Variants in RBCK1 observed in about 807,000 individuals in gnomAD.
RBCK1 encodes the protein ranBP-type and C3HC4-type zinc finger-containing protein 1.
A neutral mutation model predicts 71.1 loss-of-function variants in RBCK1; 44 were observed. The ratio of observed to expected loss-of-function variants is 0.62; its 90% confidence interval spans 0.49 to 0.80. The LOEUF (loss-of-function observed/expected upper bound fraction) is 0.80, where lower values mean the gene tolerates loss of function less well. Among genes scored for constraint, RBCK1 ranks in the 30% least tolerant of loss-of-function variants. The pLI is 0.00. For synonymous variants in RBCK1, 306 were observed against 279.7 expected, an observed-to-expected ratio of 1.09 and a Z score of -0.94; for missense variants, 569 against 685.0, an observed-to-expected ratio of 0.83 and a Z score of 1.89.
chr20:410,438 C>T (rs761689020), intron 2 of RBCK1: 1 of 779,712 alleles, frequency 1.3e-6, no homozygotes, highest in Non-Finnish European at 2.4e-6. Context: ...AATGGCCATT[C>T]CAGCTCCATC....
At chr20:414,024 A>C (rs978823848) in intron 2 of RBCK1, among the ~76,000 whole-genome samples, 7 of 151,852 alleles carry the variant, frequency 4.6e-5, no homozygotes, top group Non-Finnish European at 8.8e-5. Flanking sequence ...AGTGTGTCTA[A>C]GTTCTTGCTC....
intron 4 of RBCK1, among the ~76,000 whole-genome samples, chr20:418,308 A>G (rs1157996122): frequency 6.6e-6 from 1 of 152,194 alleles, no homozygotes; most frequent in African/African-American, 2.4e-5. Flanking sequence ...AAAGTTGCTA[A>G]ATTTTACAAA....
intron 8 of RBCK1, among the ~76,000 whole-genome samples, chr20:426,509 A>G (rs115831273): frequency 1.9e-3 from 283 of 152,256 alleles, no homozygotes; most frequent in African/African-American, 6.6e-3. Flanking sequence ...CAGTTCTTCC[A>G]TGTTGCTGTA....
intron 2 of RBCK1, among the ~76,000 whole-genome samples, chr20:411,431 G>A (rs1039723916): frequency 2.8e-4 from 43 of 151,938 alleles, no homozygotes; most frequent in Admixed American, 2.0e-3. Flanking sequence ...GCAGTGGCGC[G>A]ATCTCAGCTC....
chr20:408,362 G>C lies in RBCK1; in HGVS notation c.-396G>C. The C allele has an allele frequency of 3.1e-6, 1 of 322,312 alleles. No individual in the cohort carries two copies. Among genetic ancestry groups the C allele is most frequent in the Non-Finnish European group, 5.8e-6 (1 of 172,706 alleles). The allele number at this position is 322,312 out of a possible 1,614,324, so 20.0% of individuals were successfully genotyped here. ...GAAGAACTGGGGCCTCCCGGGAGGA[G>C]AGAGGGCTTTGCCTTGAAACCCGGG... is the stretch of plus-strand genomic sequence containing the variant. On this transcript the variant is annotated 5_prime_UTR_variant, in exon 1 of 12. Coordinates refer to ENST00000356286, the MANE Select transcript of RBCK1 (RefSeq NM_031229.4).
chr20:429,473 G>A (rs1424953001), intron 11 of RBCK1, among the ~76,000 whole-genome samples: 3 of 152,098 alleles, frequency 2.0e-5, no homozygotes, highest in Non-Finnish European at 4.4e-5. Context: ...TGATCCACCT[G>A]CCTCGGCCTC....
chr20:413,319 A>G (rs1600278126), intron 2 of RBCK1, among the ~76,000 whole-genome samples: 3 of 152,164 alleles, frequency 2.0e-5, no homozygotes, highest in African/African-American at 7.2e-5. Context: ...CAAAAAAAAA[A>G]CAACAACAAC....
rs780849786 is a variant in RBCK1, at chr20:417,371, G to C, written c.168-155G>C. Reference sequence around the variant, plus strand: ...GGTTCTAATAAAGGAAGAAGCATGGGTGGGGCCTACCCCAGACTGGGGTTT... The same window carrying C: ...GGTTCTAATAAAGGAAGAAGCATGGCTGGGGCCTACCCCAGACTGGGGTTT... On this transcript the variant is annotated intron_variant, in intron 2 of 11. Coordinates refer to ENST00000356286, the MANE Select transcript of RBCK1 (RefSeq NM_031229.4). This position sits in a 1 kb window ranked among gnomAD's most constrained non-coding sequence, Gnocchi z 4.7. 14 of 771,868 alleles carry C rather than the reference G, an allele frequency of 1.8e-5. 1 individual carries two copies. The South Asian group carries it at 2.0e-4, about 11-fold the overall frequency. 47.8% of individuals were successfully genotyped at this position (771,868 alleles called of 1,614,324 possible).
intron 2 of RBCK1, chr20:410,580 C>A: frequency 2.6e-6 from 2 of 779,536 alleles, no homozygotes; most frequent in South Asian, 2.7e-5. Flanking sequence ...AGCTACAGTT[C>A]AGCTTGAGGG....
At chr20:425,718 C>A (rs1363901097) in intron 8 of RBCK1, among the ~76,000 whole-genome samples, 2 of 151,726 alleles carry the variant, frequency 1.3e-5, no homozygotes, top group Non-Finnish European at 2.9e-5. Context: ...CCTCCACCTC[C>A]CGGGTTCAAA....
At position 430,208 on chromosome 20, in the gene RBCK1, T is replaced by C; in HGVS notation, c.1453-142T>C. On this transcript the variant is annotated intron_variant, in intron 11 of 11. Coordinates refer to ENST00000356286, the MANE Select transcript of RBCK1 (RefSeq NM_031229.4). The surrounding 1 kb of genome is among the most constrained non-coding windows in gnomAD (Gnocchi z 5.6). ...GGAGCCCAGAAAAGGCCTCAGTGAC[T>C]CTCCATCAGGTAGCTGAGGCTGACC... 1.5e-6 allele frequency: 1 copy of C among 687,964 alleles called. No homozygotes were observed. Among genetic ancestry groups the C allele is most frequent in the Non-Finnish European group, 2.5e-6 (1 of 404,004 alleles). The allele number at this position is 687,964 out of a possible 1,614,324, so 42.6% of individuals were successfully genotyped here.
chr20:421,993 A>C, intron 7 of RBCK1, 134 bp from the exon 8 acceptor site: 10 of 623,794 alleles, frequency 1.6e-5, no homozygotes, highest in Middle Eastern at 3.2e-4. Context: ...ATGGGAAGGA[A>C]GGAGATATTG....
chr20:409,467 T>A (rs567542235), intron 1 of RBCK1, among the ~76,000 whole-genome samples: 104 of 107,822 alleles, frequency 9.6e-4, no homozygotes, highest in African/African-American at 3.4e-3. Context: ...GCAATCTGAC[T>A]TTTTTTTTTT....
At position 430,673 on chromosome 20, in the gene RBCK1, G is replaced by C; in HGVS notation, c.*243G>C. 1 of 561,144 alleles carries C rather than the reference G, an allele frequency of 1.8e-6. No homozygotes were observed. 34.8% of individuals were successfully genotyped at this position (561,144 alleles called of 1,614,324 possible). On this transcript the variant is annotated 3_prime_UTR_variant, in exon 12 of 12. Coordinates refer to ENST00000356286, the MANE Select transcript of RBCK1 (RefSeq NM_031229.4). The surrounding 1 kb of genome is among the most constrained non-coding windows in gnomAD (Gnocchi z 5.6). ...ACCCCAGCCTTAAACATAGCCCCTG[G>C]CCAGAGGCCTTGCTGGGTGGAGCCT...
At chr20:423,961 C>T (rs915150856) in intron 8 of RBCK1, among the ~76,000 whole-genome samples, 8 of 152,204 alleles carry the variant, frequency 5.3e-5, no homozygotes, top group African/African-American at 1.9e-4. Context: ...GTTCCAAGAG[C>T]AGCCATGGGG....
At chr20:427,257 G>C in intron 8 of RBCK1, 56 bp from the exon 9 acceptor site, 1 of 1,572,864 alleles carries the variant, frequency 6.4e-7, no homozygotes, top group South Asian at 1.1e-5. Context: ...TAGTGGTCAA[G>C]GGTCATATGT....
chr20:431,825 A>G lies in RBCK1; in HGVS notation c.*1395A>G, dbSNP rs926520833. ...AGGCAGCCTCCCCGGCCCTGGAGGC[A>G]GAAAGGCCCAGGCAGAACCACTGAC... is the stretch of plus-strand genomic sequence containing the variant. On this transcript the variant is annotated 3_prime_UTR_variant, in exon 12 of 12. Transcript: ENST00000356286. This position sits in a 1 kb window ranked among gnomAD's most constrained non-coding sequence, Gnocchi z 4.8. 2.1e-4 allele frequency among the ~76,000 whole-genome samples: 32 copies of G among 152,332 alleles called. No homozygotes were observed. The highest frequency in any genetic ancestry group is 7.7e-4 in the African/African-American group (32 of 41,582).
At chr20:429,232 T>TA (rs1319441287) in intron 11 of RBCK1, 138 bp downstream of exon 11, 1 of 1,273,096 alleles carries the variant, frequency 7.9e-7, no homozygotes, top group Non-Finnish European at 1.0e-6. Flanking sequence ...AAGAATTTTT[T>TA]TTTTTTTTTT....
rs1200021129 is a variant in RBCK1, at chr20:431,708, C to G, written c.*1278C>G. On this transcript the variant is annotated 3_prime_UTR_variant, in exon 12 of 12. Coordinates refer to ENST00000356286, the MANE Select transcript of RBCK1 (RefSeq NM_031229.4). The surrounding 1 kb of genome is among the most constrained non-coding windows in gnomAD (Gnocchi z 4.8). ...CTGGCCCCAGTCACTGTGCGCAGAG[C>G]TGTCTGAGAATGTGTGAGTGGACTG... 6.6e-6 allele frequency among the ~76,000 whole-genome samples: 1 copy of G among 152,238 alleles called. No homozygotes were observed. The highest frequency in any genetic ancestry group is 1.5e-5 in the Non-Finnish European group (1 of 68,038).
Sources: allele counts gnomAD v4.1 joint callset (sites outside exome capture counted in the v4.1 genomes callset), GRCh38; gene constraint gnomAD v4.1.1; non-coding constraint Gnocchi (gnomAD v3.1); transcripts MANE v1.5; gene names NCBI Gene and HGNC (gene_info 2026-07-23, HGNC 2026-07-21).